RGS6: variants seen among roughly 807,000 people sequenced by gnomAD.
The protein encoded by RGS6 is regulator of G protein signaling 6, also known as regulator of G-protein signaling 6.
RGS6 carries 30 observed loss-of-function variants against 78.5 expected under a neutral mutation model. That is an observed-to-expected ratio of 0.38 (90% CI 0.29 to 0.52). RGS6 has a LOEUF of 0.52. Among genes scored for constraint, RGS6 ranks in the 20% least tolerant of loss-of-function variants. The pLI is 0.85. For synonymous variants in RGS6, 206 were observed against 206.0 expected (o/e 1.00, Z 0.00); for missense variants, 495 against 609.7 (o/e 0.81, Z 1.98).
chr14:72,108,365 T>C lies in RGS6; in HGVS notation c.84+143490T>C, dbSNP rs184841378. 4.2e-3 allele frequency among the ~76,000 whole-genome samples: 640 copies of C among 152,206 alleles called. 2 individuals carry two copies. The highest frequency in any genetic ancestry group is 0.014 in the African/African-American group (566 of 41,578). ...GAAGCCCATAGAGATTTTTTTTCTT[T>C]AAAGTCTTGTCATTTTACTAGCATA... On this transcript the variant is annotated intron_variant, in intron 2 of 17. Transcript: ENST00000553525.
chr14:72,074,434 G>A (rs2094508699), intron 2 of RGS6, among the ~76,000 whole-genome samples: 1 of 152,172 alleles, frequency 6.6e-6, no homozygotes, highest in Non-Finnish European at 1.5e-5. Flanking sequence ...CTGGCCTCAA[G>A]CAATTCTCTT....
chr14:72,476,165 C>T (rs114148133), intron 10 of RGS6, among the ~76,000 whole-genome samples: 3,452 of 152,202 alleles, frequency 0.023, 108 homozygotes, highest in African/African-American at 0.077. Context: ...GCTATAGCTA[C>T]GGACATGTGG....
At chr14:72,343,121 T>C (rs1033916302) in intron 2 of RGS6, among the ~76,000 whole-genome samples, 6 of 152,346 alleles carry the variant, frequency 3.9e-5, no homozygotes, top group African/African-American at 1.4e-4. Flanking sequence ...CAAATTACCA[T>C]ACACTTAATG....
intron 3 of RGS6, among the ~76,000 whole-genome samples, chr14:72,409,123 C>T (rs190236034): frequency 7.2e-5 from 11 of 152,218 alleles, no homozygotes; most frequent in African/African-American, 1.4e-4. Flanking sequence ...TGTTCAGAGT[C>T]GAAAGATTCA....
rs1225822338 is a variant in RGS6 at position 72,232,793 on chromosome 14, G to A, written c.85-119302G>A. Among the ~76,000 whole-genome samples, 4 of 152,324 alleles carry A rather than the reference G, an allele frequency of 2.6e-5. No homozygotes were observed. In the East Asian group the frequency reaches 7.7e-4, roughly 29 times the overall value. ...AGGAAAGGAGGGTAGAATCAATGGG[G>A]ATGAAGTAATGAGAGGACCAGAGGG... is the stretch of plus-strand genomic sequence containing the variant. On this transcript the variant is annotated intron_variant, in intron 2 of 17. Coordinates refer to ENST00000553525, the MANE Select transcript of RGS6 (RefSeq NM_001204424.2).
At chr14:72,157,712 A>C (rs1295241298) in intron 2 of RGS6, among the ~76,000 whole-genome samples, 2 of 152,156 alleles carry the variant, frequency 1.3e-5, no homozygotes, top group Non-Finnish European at 2.9e-5. Context: ...GGGAAAATGC[A>C]CTTGGCAGTC....
chr14:72,371,426 A>T (rs1328002483), intron 3 of RGS6, among the ~76,000 whole-genome samples: 1 of 152,122 alleles, frequency 6.6e-6, no homozygotes, highest in African/African-American at 2.4e-5. Context: ...TACCATACAA[A>T]CCCCTAATTG....
chr14:72,620,200 C>A, the RGS6 span, among the ~76,000 whole-genome samples: 1 of 152,156 alleles, frequency 6.6e-6, no homozygotes, highest in Non-Finnish European at 1.5e-5. Flanking sequence ...AAATCCTACC[C>A]CCATTTTAGG....
At chr14:71,947,454 TA>T (rs760736244) in intron 1 of RGS6, among the ~76,000 whole-genome samples, 43 of 152,162 alleles carry the variant, frequency 2.8e-4, no homozygotes, top group Admixed American at 2.2e-3. Flanking sequence ...CTCCCCCACT[TA>T]AAAAAAATCT....
chr14:71,919,254 C>T, the RGS6 span, among the ~76,000 whole-genome samples: 3 of 152,228 alleles, frequency 2.0e-5, no homozygotes, highest in Middle Eastern at 0.01. Flanking sequence ...ACAGTAAGTG[C>T]CCGTGGGGGT....
In RGS6 at chr14:72,536,214, A is replaced by G; in HGVS notation, c.1307A>G (p.Asp436Gly). The G allele has an allele frequency of 6.2e-7, 1 of 1,613,846 alleles. No homozygotes were observed. The change falls in exon 16 of 18, where the codon GAC (aspartate) becomes GGC (glycine). Residue 436 changes from aspartate to glycine, a missense_variant. Coordinates refer to ENST00000553525, the MANE Select transcript of RGS6 (RefSeq NM_001204424.2). ...CACATCTACAAGCTGATGAAGAGTG[A>G]CAGCTATGCCCGCTTCCTCCGGTCA... is the stretch of plus-strand genomic sequence containing the variant. ...QEHIYKLMKS[D>G]SYARFLRSNA...
At chr14:72,432,924 G>A (rs1422299010) in intron 3 of RGS6, among the ~76,000 whole-genome samples, 1 of 152,184 alleles carries the variant, frequency 6.6e-6, no homozygotes, top group Non-Finnish European at 1.5e-5. Flanking sequence ...GAAAGAGAGT[G>A]TCACACACCA....
chr14:72,580,500 A>G, the RGS6 span, among the ~76,000 whole-genome samples: 1 of 152,058 alleles, frequency 6.6e-6, no homozygotes, highest in South Asian at 2.1e-4. Flanking sequence ...CCTCCAAGTA[A>G]CTCAGGCCCT....
At chr14:72,056,681 C>T (rs904395617) in intron 2 of RGS6, among the ~76,000 whole-genome samples, 1 of 152,190 alleles carries the variant, frequency 6.6e-6, no homozygotes, top group Non-Finnish European at 1.5e-5. Context: ...GTTTCCCTCC[C>T]CTGCCACCCC....
the RGS6 span, among the ~76,000 whole-genome samples, chr14:72,617,830 G>A: frequency 2.6e-5 from 4 of 152,164 alleles, no homozygotes; most frequent in Non-Finnish European, 5.9e-5. Context: ...CCTTTGTTGT[G>A]AGCAGCCAGA....
At chr14:72,475,830 GCA>G (rs1555424335) in intron 10 of RGS6, among the ~76,000 whole-genome samples, 41 of 145,656 alleles carry the variant, frequency 2.8e-4, no homozygotes, top group African/African-American at 5.9e-4. Flanking sequence ...AAAAATACAC[GCA>G]CACACACACA....
At chr14:72,051,985 A>G (rs1456626469) in intron 2 of RGS6, among the ~76,000 whole-genome samples, 1 of 152,198 alleles carries the variant, frequency 6.6e-6, no homozygotes, top group Admixed American at 6.5e-5. Context: ...CTCTGAGGGA[A>G]GCTAAGATTG....
At chr14:71,969,163 T>C (rs1804780471) in intron 2 of RGS6, among the ~76,000 whole-genome samples, 1 of 152,252 alleles carries the variant, frequency 6.6e-6, no homozygotes, top group South Asian at 2.1e-4. Flanking sequence ...CTCATCCTTT[T>C]TTATGGCTGC....
In RGS6 at chr14:72,024,568, A is replaced by G. The variant is rs1363296912; in HGVS notation, c.84+59693A>G. 2.6e-5 allele frequency among the ~76,000 whole-genome samples: 4 copies of G among 152,330 alleles called. No individual in the cohort carries two copies. In the South Asian group the frequency reaches 6.2e-4, roughly 24 times the overall value. On this transcript the variant is annotated intron_variant, in intron 2 of 17. Transcript: ENST00000553525. ...ATCCAGCTCTTGCACTCACGGGTTG[A>G]AAAACTTGGTACCCCTGTGTATTTT...
Sources: allele counts gnomAD v4.1 joint callset (sites outside exome capture counted in the v4.1 genomes callset), GRCh38; gene constraint gnomAD v4.1.1; transcripts MANE v1.5; gene names NCBI Gene and HGNC (gene_info 2026-07-23, HGNC 2026-07-21).